The following CCDC88A variants were observed in gnomAD, a reference collection of about 807,000 sequenced individuals.
CCDC88A encodes the protein girdin.
A neutral mutation model predicts 234.3 loss-of-function variants in CCDC88A; 54 were observed. The ratio of observed to expected loss-of-function variants is 0.23; its 90% CI spans 0.19 to 0.29. The LOEUF is 0.29. Among genes scored for constraint, CCDC88A ranks in the 10% least tolerant of loss-of-function variants. The pLI is 1.00. For missense variants in CCDC88A, 1,832 were observed against 2,123.4 expected (o/e 0.86, Z 2.70); for synonymous variants, 753 against 737.8 (o/e 1.02, Z -0.33).
intron 8 of CCDC88A, among the ~76,000 whole-genome samples, chr2:55,354,442 T>C (rs1670298385): frequency 6.6e-6 from 1 of 152,196 alleles, no homozygotes; most frequent in African/African-American, 2.4e-5. Flanking sequence ...GTTTTTAATA[T>C]AATAAACTTT....
intron 2 of CCDC88A, chr2:55,404,793 G>A (rs1402059363): frequency 6.6e-6 from 1 of 152,266 alleles, no homozygotes; most frequent in Non-Finnish European, 1.5e-5. Context: ...GCAGTGGCAT[G>A]ATCTCGGCTC....
chr2:55,357,683 C>T (rs147187535), intron 7 of CCDC88A, among the ~76,000 whole-genome samples: 205 of 152,230 alleles, frequency 1.3e-3, no homozygotes, highest in African/African-American at 4.7e-3. Flanking sequence ...TTTCTCATCG[C>T]CAAGTCTTAT....
Position 55,309,883 on chromosome 2 carries a change from TATA to T in CCDC88A, c.4080-632_4080-630del, listed in dbSNP as rs1381074785. Among the ~76,000 whole-genome samples the T allele has an allele frequency of 5.3e-5, 8 of 152,152 alleles. No individual in the cohort carries two copies. The East Asian group carries it at 5.8e-4, about 11-fold the overall frequency. ...GAGAGAAGATATATCCATAAATTAA[TATA>T]ATAACATATAATATTGTGTGTGTGT... On this transcript the variant is annotated intron_variant, in intron 23 of 32. Transcript: ENST00000436346. The surrounding 1 kb of genome is among the most constrained non-coding windows in gnomAD (Gnocchi z 5.1).
At chr2:55,349,863 T>A in intron 8 of CCDC88A, 1 of 275,946 alleles carries the variant, frequency 3.6e-6, no homozygotes, top group Non-Finnish European at 6.6e-6. Context: ...TCTCTTTTCA[T>A]CTTTCCTGCC....
chr2:55,408,702 C>T (rs1679994981), intron 2 of CCDC88A, among the ~76,000 whole-genome samples: 1 of 152,182 alleles, frequency 6.6e-6, no homozygotes, highest in Admixed American at 6.5e-5. Context: ...CAGCAGCCCT[C>T]ATGGCTGCTC....
chr2:55,340,728 T>C lies in CCDC88A; in HGVS notation c.1334-1080A>G, dbSNP rs79555298. On this transcript the variant is annotated intron_variant, in intron 12 of 32. Coordinates refer to ENST00000436346, the MANE Select transcript of CCDC88A (RefSeq NM_001365480.1). ...TGAACACGCTGAAATTATTTTAAAA[T>C]CTTTAATCCAGTTCCATTCATTATC... is the stretch of plus-strand genomic sequence containing the variant. Among the ~76,000 whole-genome samples, 42 of 152,354 alleles carry C rather than the reference T, an allele frequency of 2.8e-4. 1 individual carries two copies. In the East Asian group the frequency reaches 6.7e-3, roughly 24 times the overall value.
At chr2:55,384,580 T>TGTATATACACATATATACGTATATATGC (rs1675210664) in intron 3 of CCDC88A, among the ~76,000 whole-genome samples, 2 of 84,620 alleles carry the variant, frequency 2.4e-5, no homozygotes, top group Admixed American at 1.4e-4. Context: ...CGTATATATG[T>TGTATATACACATATATACGTATATATGC]GTATATATAC....
intron 8 of CCDC88A, among the ~76,000 whole-genome samples, chr2:55,354,335 T>A (rs1670285469): frequency 6.6e-6 from 1 of 152,018 alleles, no homozygotes; most frequent in African/African-American, 2.4e-5. Context: ...TTCACCATGT[T>A]GGCCAGGCTG....
intron 3 of CCDC88A, among the ~76,000 whole-genome samples, chr2:55,383,071 A>G (rs1349215682): frequency 1.9e-4 from 9 of 46,556 alleles, no homozygotes; most frequent in South Asian, 1.1e-3. Flanking sequence ...AATCATAAAA[A>G]TGAAAAAAAA....
At chr2:55,324,596 TTATC>T (rs1684032080) in intron 17 of CCDC88A, among the ~76,000 whole-genome samples, 1 of 152,180 alleles carries the variant, frequency 6.6e-6, no homozygotes, top group African/African-American at 2.4e-5. Context: ...AAAAATTCAT[TTATC>T]TATGTTTTCA....
chr2:55,358,071 A>C (rs573843925), intron 7 of CCDC88A, among the ~76,000 whole-genome samples: 83 of 152,146 alleles, frequency 5.5e-4, no homozygotes, highest in African/African-American at 1.9e-3. Context: ...TAGAGTTCCT[A>C]CTCAGCCTGG....
intron 3 of CCDC88A, among the ~76,000 whole-genome samples, chr2:55,382,477 C>T (rs1674753311): frequency 6.6e-6 from 1 of 152,150 alleles, no homozygotes; most frequent in Non-Finnish European, 1.5e-5. Flanking sequence ...CCAATATAGT[C>T]ACACCAAACA....
In CCDC88A at chr2:55,415,993, T is replaced by TA. The variant is rs144132744; in HGVS notation, c.164+2822_164+2823insT. On this transcript the variant is annotated intron_variant, in intron 2 of 32. Transcript: ENST00000436346. ...AAAATTTCAAATGACTGGCATCAAA[T>TA]TAAAAAAAAAATCACCAGGCATGCA... 8.2e-3 allele frequency among the ~76,000 whole-genome samples: 1,217 copies of TA among 149,008 alleles called. 8 individuals carry two copies. Among genetic ancestry groups the TA allele is most frequent in the Non-Finnish European group, 0.012 (818 of 67,164 alleles).
intron 13 of CCDC88A, chr2:55,338,940 C>T (rs1460619430): frequency 6.6e-6 from 1 of 151,988 alleles, no homozygotes; most frequent in Non-Finnish European, 1.5e-5. Flanking sequence ...AATGTAACTC[C>T]TCTAGCCCTG....
At chr2:55,368,827 T>C (rs1672390038) in intron 5 of CCDC88A, among the ~76,000 whole-genome samples, 1 of 152,238 alleles carries the variant, frequency 6.6e-6, no homozygotes, top group Non-Finnish European at 1.5e-5. Context: ...ACAAATTTTC[T>C]GAAATAGAGA....
At chr2:55,350,523 T>C (rs1669739274) in intron 8 of CCDC88A, 1 of 151,588 alleles carries the variant, frequency 6.6e-6, no homozygotes, top group Non-Finnish European at 1.5e-5. Flanking sequence ...TTCTGTTCTT[T>C]AATAATAAAG....
At position 55,332,388 on chromosome 2, in the gene CCDC88A, C is replaced by G. The variant is rs1685023334; in HGVS notation, c.2855+178G>C. Reference sequence around the variant, plus strand: ...CCGCCCGCTTCAGCCTCCCAAAGTGCTGGGATTATAGGTGTGAGCCACCGC... The same window carrying G: ...CCGCCCGCTTCAGCCTCCCAAAGTGGTGGGATTATAGGTGTGAGCCACCGC... On this transcript the variant is annotated intron_variant, in intron 16 of 32. Transcript: ENST00000436346. The surrounding 1 kb of genome is among the most constrained non-coding windows in gnomAD (Gnocchi z 4.5). 4 of 1,109,940 alleles carry G rather than the reference C, an allele frequency of 3.6e-6. No individual in the cohort carries two copies. The East Asian group carries it at 1.6e-4, about 44-fold the overall frequency. 68.8% of individuals were successfully genotyped at this position (1,109,940 alleles called of 1,614,324 possible). A position where few individuals can be genotyped will look rare whatever the true frequency, so the allele number is the denominator to read the frequency against.
chr2:55,353,649 C>CAAAAAA (rs34022778), intron 8 of CCDC88A, among the ~76,000 whole-genome samples: 25 of 76,998 alleles, frequency 3.2e-4, no homozygotes, highest in Non-Finnish European at 4.5e-4. Flanking sequence ...GAAACCAAAC[C>CAAAAAA]AAAAAAAAAA....
chr2:55,336,749 C>A lies in CCDC88A; in HGVS notation c.1588G>T (p.Asp530Tyr). The A allele has an allele frequency of 1.9e-6, 3 of 1,589,718 alleles. No individual in the cohort carries two copies. The highest frequency in any genetic ancestry group is 2.3e-5 in the East Asian group (1 of 43,826). ...AGCTGAGCTTTCTCCTTCATTAGAT[C>A]CTTGCTTAAATTCTGACAATTCTGA... ...SLQNCQNLSK[D>Y]LMKEKAQLEK... Residue 530 changes from aspartate (D) to tyrosine (Y), a missense_variant, in exon 14 of 33, where the codon GAT (aspartate) becomes TAT (tyrosine). Coordinates refer to ENST00000436346, the MANE Select transcript of CCDC88A (RefSeq NM_001365480.1).
Sources: allele counts gnomAD v4.1 joint callset (sites outside exome capture counted in the v4.1 genomes callset), GRCh38; gene constraint gnomAD v4.1.1; non-coding constraint Gnocchi (gnomAD v3.1); transcripts MANE v1.5; gene names NCBI Gene and HGNC (gene_info 2026-07-23, HGNC 2026-07-21).